The following MTCL1 variants were observed in gnomAD, a reference collection of about 807,000 sequenced individuals.
MTCL1 encodes microtubule crosslinking factor 1, also known as microtubule cross-linking factor 1.
Under a neutral mutation model 141.4 loss-of-function variants are expected in MTCL1, and 79 were observed. That is an observed-to-expected ratio of 0.56 (90% CI 0.47 to 0.67). The LOEUF (loss-of-function observed/expected upper bound fraction) is 0.67, where lower values mean the gene tolerates loss of function less well. MTCL1 is among the 30% of genes least tolerant of loss of function. MTCL1 has a pLI of 0.00. For missense variants in MTCL1, 2,177 were observed against 2,113.9 expected (o/e 1.03, Z -0.59); for synonymous variants, 914 against 875.8 (o/e 1.04, Z -0.77).
At chr18:8,784,883 C>G in intron 6 of MTCL1, 40 bp downstream of exon 5, 1 of 1,499,922 alleles carries the variant, frequency 6.7e-7, no homozygotes, top group Non-Finnish European at 9.0e-7. Flanking sequence ...CTCCGCCTTG[C>G]TCTTCCTCCT....
chr18:8,770,285 T>G (rs2096479902), intron 4 of MTCL1, among the ~76,000 whole-genome samples: 1 of 152,224 alleles, frequency 6.6e-6, no homozygotes, highest in South Asian at 2.1e-4. Flanking sequence ...CCCAGACTCT[T>G]GACAGGATTG....
intron 4 of MTCL1, among the ~76,000 whole-genome samples, chr18:8,751,501 A>G (rs1354212880): frequency 2.6e-5 from 4 of 152,196 alleles, no homozygotes; most frequent in Admixed American, 2.6e-4. Context: ...GATAACTGAC[A>G]TTTTGTGCTA....
chr18:8,831,744 G>T (rs775199885), exon 17 of MTCL1: 1 of 1,550,384 alleles, frequency 6.5e-7, no homozygotes, highest in Non-Finnish European at 8.7e-7. Flanking sequence ...CCGGAGACCC[G>T]ACGTCCTTGG....
chr18:8,774,469 T>C (rs985826189), intron 4 of MTCL1, among the ~76,000 whole-genome samples: 4 of 149,626 alleles, frequency 2.7e-5, no homozygotes, highest in Non-Finnish European at 5.9e-5. Context: ...TTTCTTTTCT[T>C]TCTTTTCTTT....
chr18:8,720,667 A>G (rs1027469004), intron 4 of MTCL1, among the ~76,000 whole-genome samples, 171 bp downstream of exon 3: 1 of 152,230 alleles, frequency 6.6e-6, no homozygotes, highest in Non-Finnish European at 1.5e-5. Flanking sequence ...GTGGTAAACA[A>G]ACAAGCAAAC....
chr18:8,783,126 T>G (rs1395897875), intron 5 of MTCL1, among the ~76,000 whole-genome samples: 1 of 152,158 alleles, frequency 6.6e-6, no homozygotes, highest in African/African-American at 2.4e-5. Context: ...GGTCCTGCTG[T>G]CTCTCACTGG....
At chr18:8,783,884 A>G in exon 6 of MTCL1, 1 of 1,613,260 alleles carries the variant, frequency 6.2e-7, no homozygotes, top group Non-Finnish European at 8.5e-7. Flanking sequence ...CCACGCACCC[A>G]GCATTCCTAC....
At chr18:8,713,435 G>A (rs565152133), upstream of MTCL1, among the ~76,000 whole-genome samples, 27 of 152,256 alleles carry the variant, frequency 1.8e-4, no homozygotes, top group African/African-American at 6.3e-4. Flanking sequence ...TGCTCTGCTC[G>A]ATTTGGTTTA....
At chr18:8,829,063 G>C in intron 16 of MTCL1, 5 of 1,595,048 alleles carry the variant, frequency 3.1e-6, no homozygotes, top group African/African-American at 1.3e-5. Context: ...AGTTCTGCCC[G>C]GTGGCGGTAC....
chr18:8,706,159 C>T lies in MTCL1; in HGVS notation c.499C>T (p.Arg167Trp), dbSNP rs1256515518. ...GGGCCGCAAAGCCAAGCGCGGCTCC[C>T]GGGCGCCACCCGCCCGCACCGTCGG... Residue 167 changes from arginine to tryptophan, a missense_variant, in exon 1 of 14, where the codon CGG becomes TGG. Transcript: ENST00000306329. 4.9e-6 allele frequency: 6 copies of T among 1,220,898 alleles called. No individual in the cohort carries two copies. In the East Asian group the frequency reaches 2.0e-4, roughly 40 times the overall value. 75.6% of individuals were successfully genotyped at this position (1,220,898 alleles called of 1,614,324 possible).
chr18:8,744,130 C>G (rs2096321268), intron 4 of MTCL1, among the ~76,000 whole-genome samples: 1 of 152,214 alleles, frequency 6.6e-6, no homozygotes, highest in Non-Finnish European at 1.5e-5. Context: ...TGCCCTAGGT[C>G]CCATAGCTAG....
intron 4 of MTCL1, among the ~76,000 whole-genome samples, chr18:8,732,828 G>A (rs888896242): frequency 6.6e-6 from 1 of 152,148 alleles, no homozygotes; most frequent in Non-Finnish European, 1.5e-5. Context: ...TTGGGGGTGG[G>A]GGCAGTTAGG....
intron 7 of MTCL1, chr18:8,786,501 T>G: frequency 2.6e-6 from 1 of 377,938 alleles, no homozygotes; most frequent in Non-Finnish European, 5.2e-6. Flanking sequence ...CTTTGTTGCC[T>G]GTGTCTCATG....
At position 8,784,712 on chromosome 18, in the gene MTCL1, A is replaced by G. The variant is rs947990141; in HGVS notation, c.1600A>G (p.Asn534Asp). 3.7e-6 allele frequency: 6 copies of G among 1,614,194 alleles called. No individual in the cohort carries two copies. The highest frequency in any genetic ancestry group is 2.7e-5 in the African/African-American group (2 of 75,050). Residue 534 changes from asparagine to aspartate, a missense_variant, in exon 6 of 17, where the codon AAC becomes GAC. Coordinates refer to ENST00000359865, the Ensembl canonical transcript of MTCL1. ...GCTGCAGGCCTTCCTGGAGCAGGTG[A>G]ACCGCATTGGGGATGGCCTATCCCC...
chr18:8,759,157 C>T (rs2096417585), intron 4 of MTCL1, among the ~76,000 whole-genome samples: 1 of 152,242 alleles, frequency 6.6e-6, no homozygotes, highest in Non-Finnish European at 1.5e-5. Context: ...AGATCACATG[C>T]ACGATGACGC....
At chr18:8,770,089 G>A (rs923406545) in intron 4 of MTCL1, among the ~76,000 whole-genome samples, 3 of 152,196 alleles carry the variant, frequency 2.0e-5, no homozygotes, top group South Asian at 2.1e-4. Flanking sequence ...AAATATGGGC[G>A]ATTGGGCTAT....
chr18:8,820,276 G>A (rs2076799960), intron 13 of MTCL1, among the ~76,000 whole-genome samples: 1 of 152,064 alleles, frequency 6.6e-6, no homozygotes, highest in Non-Finnish European at 1.5e-5. Context: ...CAGGCGTGGT[G>A]GCGGGTGCCT....
chr18:8,709,449 C>T lies in MTCL1; in HGVS notation c.1053+2736C>T, dbSNP rs189539225. On this transcript the variant is annotated intron_variant, in intron 1 of 13. Transcript: ENST00000306329. The stretch of plus-strand genomic sequence containing the variant: ...CTTCAAGTGATCCTCCCTCCTTGCC[C>T]TCCCAAAGTGCTAGGATTACAAGTT... 6.6e-5 allele frequency among the ~76,000 whole-genome samples: 10 copies of T among 152,200 alleles called. No homozygotes were observed. The East Asian group carries it at 9.7e-4, about 15-fold the overall frequency.
intron 12 of MTCL1, among the ~76,000 whole-genome samples, chr18:8,817,252 C>CTTT (rs35022661): frequency 0.26 from 31,178 of 117,934 alleles, 4,544 homozygotes; most frequent in Non-Finnish European, 0.31. Flanking sequence ...AAAGCCTTCC[C>CTTT]TTTTTTTTTT....
Sources: allele counts gnomAD v4.1 joint callset (sites outside exome capture counted in the v4.1 genomes callset), GRCh38; gene constraint gnomAD v4.1.1; transcripts MANE v1.5; gene names NCBI Gene and HGNC (gene_info 2026-07-23, HGNC 2026-07-21).